The following GID4 variants were observed in gnomAD, a reference collection of about 807,000 sequenced individuals.
The protein encoded by GID4 is GID complex subunit 4 homolog.
Under a neutral mutation model 32.4 loss-of-function variants are expected in GID4, and 7 were observed. The observed-to-expected ratio is 0.22, with a 90% CI of 0.12 to 0.41. The LOEUF (loss-of-function observed/expected upper bound fraction) is 0.41. Ranked by LOEUF, GID4 falls within the 10% of genes least tolerant of loss-of-function variation. The pLI is 1.00. For synonymous variants in GID4, 166 were observed against 170.0 expected (o/e 0.98, Z 0.18); for missense variants, 309 against 400.0 (o/e 0.77, Z 1.94).
chr17:18,043,879 C>T (rs1208738809), intron 1 of GID4, among the ~76,000 whole-genome samples: 1 of 152,174 alleles, frequency 6.6e-6, no homozygotes, highest in African/African-American at 2.4e-5. Flanking sequence ...AAGGATTTAC[C>T]TTGTAAGTGA....
At chr17:18,054,374 C>T in intron 3 of GID4, 140 bp downstream of exon 3, 1 of 535,680 alleles carries the variant, frequency 1.9e-6, no homozygotes, top group Non-Finnish European at 3.3e-6. Flanking sequence ...ACACAGACCT[C>T]AGTTGTTCCA....
intron 3 of GID4, among the ~76,000 whole-genome samples, chr17:18,054,510 C>A (rs1030462648): frequency 3.9e-5 from 6 of 152,098 alleles, no homozygotes; most frequent in Non-Finnish European, 8.8e-5. Flanking sequence ...TTAACAGTGT[C>A]CCCCCATCCT....
intron 5 of GID4, among the ~76,000 whole-genome samples, chr17:18,063,545 A>G (rs1300762856): frequency 6.6e-6 from 1 of 152,150 alleles, no homozygotes; most frequent in Non-Finnish European, 1.5e-5. Flanking sequence ...ATCCCCTCTG[A>G]GCCCTGGGCA....
At chr17:18,040,480 T>G (rs1299099157) in intron 1 of GID4, among the ~76,000 whole-genome samples, 3 of 152,166 alleles carry the variant, frequency 2.0e-5, no homozygotes, top group Admixed American at 6.5e-5. Context: ...CGCAACTGAT[T>G]GGTCAGGCCC....
At chr17:18,051,749 TA>T (rs963611030) in intron 2 of GID4, among the ~76,000 whole-genome samples, 2 of 151,712 alleles carry the variant, frequency 1.3e-5, no homozygotes, top group Non-Finnish European at 2.9e-5. Flanking sequence ...TTTTCCTTAG[TA>T]GTCTTTCCTA....
At position 18,045,420 on chromosome 17, in the gene GID4, T is replaced by C. The variant is rs1049559724; in HGVS notation, c.498+214T>C. On this transcript the variant is annotated intron_variant, in intron 2 of 5. Transcript: ENST00000268719. ...CACAAATGTTTTAAAGAAAAGTTTA[T>C]AAGTACATCATAATTGTCACAACCA... Among the ~76,000 whole-genome samples the C allele has an allele frequency of 2.6e-5, 4 of 152,242 alleles. No homozygotes were observed. In the East Asian group the frequency reaches 7.7e-4, roughly 29 times the overall value.
rs553267905 is a variant in GID4, at chr17:18,067,468, G to A, written c.*2225G>A. ...TGATGAAGTGCACCCATTGTACTGG[G>A]AAGAATGAAGAGGTGATACCTTTAC... On this transcript the variant is annotated 3_prime_UTR_variant, in exon 6 of 6. Transcript: ENST00000268719. The A allele has an allele frequency of 6.6e-6, 1 of 152,352 alleles. No individual in the cohort carries two copies. Among genetic ancestry groups the A allele is most frequent in the East Asian group, 1.9e-4 (1 of 5,184 alleles). 9.4% of individuals were successfully genotyped at this position (152,352 alleles called of 1,614,324 possible). A position where few individuals can be genotyped will look rare whatever the true frequency, so the allele number is the denominator to read the frequency against.
chr17:18,046,176 G>A (rs1163330690), intron 2 of GID4, among the ~76,000 whole-genome samples: 1 of 152,198 alleles, frequency 6.6e-6, no homozygotes, highest in African/African-American at 2.4e-5. Context: ...TGATGATCCA[G>A]CAGTATTTGG....
chr17:18,060,265 G>A (rs2045006998), intron 4 of GID4, among the ~76,000 whole-genome samples: 1 of 151,406 alleles, frequency 6.6e-6, no homozygotes, highest in African/African-American at 2.4e-5. Context: ...AGGTGTAGTG[G>A]TGCACGCCTG....
intron 3 of GID4, chr17:18,057,279 A>G (rs976242290): frequency 5.7e-5 from 23 of 401,784 alleles, no homozygotes; most frequent in African/African-American, 3.7e-4. Context: ...CAAAAATATA[A>G]AAATTAACCA....
chr17:18,049,745 T>A (rs1157031887), intron 2 of GID4, among the ~76,000 whole-genome samples: 1 of 152,126 alleles, frequency 6.6e-6, no homozygotes, highest in African/African-American at 2.4e-5. Context: ...TTCAAGCAGT[T>A]CTCCTGCTCA....
rs183286113 is a variant in GID4, at chr17:18,061,630, A to T, written c.709-215A>T. 6.6e-6 allele frequency among the ~76,000 whole-genome samples: 1 copy of T among 152,286 alleles called. No individual in the cohort carries two copies. The highest frequency in any genetic ancestry group is 2.4e-5 in the African/African-American group (1 of 41,566). On this transcript the variant is annotated intron_variant, in intron 4 of 5. Coordinates refer to ENST00000268719, the MANE Select transcript of GID4 (RefSeq NM_024052.5). The surrounding 1 kb of genome is among the most constrained non-coding windows in gnomAD (Gnocchi z 4.4). ...TAGTGAGCTCAAGACACAGTTTGTC[A>T]CTTTAGTATATAGAATACTCCAGGA...
chr17:18,062,767 T>C (rs1210064912), intron 5 of GID4, among the ~76,000 whole-genome samples: 1 of 152,158 alleles, frequency 6.6e-6, no homozygotes, highest in African/African-American at 2.4e-5. Flanking sequence ...TGTAAAACTT[T>C]TATAATCCTT....
intron 2 of GID4, among the ~76,000 whole-genome samples, chr17:18,046,417 C>T (rs2044852865): frequency 6.6e-6 from 1 of 152,118 alleles, no homozygotes; most frequent in African/African-American, 2.4e-5. Flanking sequence ...CCAGCCTGGA[C>T]AGCATAGCAA....
intron 1 of GID4, among the ~76,000 whole-genome samples, chr17:18,043,598 A>C (rs2044823498): frequency 6.6e-6 from 1 of 152,256 alleles, no homozygotes; most frequent in Non-Finnish European, 1.5e-5. Flanking sequence ...CAGTTTTCAC[A>C]GGGAATACCT....
intron 3 of GID4, chr17:18,056,660 T>C: frequency 6.5e-7 from 1 of 1,533,448 alleles, no homozygotes; most frequent in Non-Finnish European, 8.8e-7. Flanking sequence ...ACAAATTAAA[T>C]ACTTGGAAAG....
chr17:18,064,136 A>G (rs1305045116), intron 5 of GID4, among the ~76,000 whole-genome samples: 1 of 152,190 alleles, frequency 6.6e-6, no homozygotes, highest in East Asian at 1.9e-4. Flanking sequence ...TGCTGTGAAC[A>G]TGGGTATATC....
At position 18,061,756 on chromosome 17, in the gene GID4, G is replaced by T. The variant is rs2045019511; in HGVS notation, c.709-89G>T. On this transcript the variant is annotated intron_variant, in intron 4 of 5. Transcript: ENST00000268719. The surrounding 1 kb of genome is among the most constrained non-coding windows in gnomAD (Gnocchi z 4.4). ...TGAGATCCTATATTTTTCTCGAGTG[G>T]TCCTTAGAACCCCCTGATGCTTAAC... is the stretch of plus-strand genomic sequence containing the variant. The T allele has an allele frequency of 3.9e-6, 5 of 1,283,218 alleles. No homozygotes were observed. The highest frequency in any genetic ancestry group is 5.6e-6 in the Non-Finnish European group (5 of 894,200). 79.5% of individuals were successfully genotyped at this position (1,283,218 alleles called of 1,614,324 possible). A position where few individuals can be genotyped will look rare whatever the true frequency, so the allele number is the denominator to read the frequency against.
intron 3 of GID4, chr17:18,056,714 A>G (rs1371233973): frequency 6.5e-7 from 1 of 1,549,452 alleles, no homozygotes. Flanking sequence ...ACATTGGAAG[A>G]TATCTGGATC....
Sources: allele counts gnomAD v4.1 joint callset (sites outside exome capture counted in the v4.1 genomes callset), GRCh38; gene constraint gnomAD v4.1.1; non-coding constraint Gnocchi (gnomAD v3.1); transcripts MANE v1.5; gene names NCBI Gene and HGNC (gene_info 2026-07-23, HGNC 2026-07-21).